The following KLHL1 variants were observed in gnomAD, a reference collection of about 807,000 sequenced individuals.
KLHL1 encodes the protein kelch like family member 1.
In KLHL1, 47 loss-of-function variants were observed where a neutral mutation model predicts 77.7. That is an observed-to-expected ratio of 0.60 (90% CI 0.48 to 0.77). KLHL1 has a LOEUF of 0.77. Among genes scored for constraint, KLHL1 ranks in the 30% least tolerant of loss-of-function variants. The probability of loss-of-function intolerance (pLI) is 0.00; values close to 1 mark genes in which losing one functional copy is unlikely to be tolerated. For missense variants in KLHL1, 925 were observed against 910.8 expected (o/e 1.02, Z -0.20); for synonymous variants, 360 against 325.2 (o/e 1.11, Z -1.15).
At chr13:70,042,033 T>G (rs949988892) in intron 1 of KLHL1, among the ~76,000 whole-genome samples, 2 of 152,186 alleles carry the variant, frequency 1.3e-5, no homozygotes, top group African/African-American at 4.8e-5. Flanking sequence ...TTGTTAGACT[T>G]TCTCATTTCT....
chr13:69,963,622 T>C (rs1280679976), intron 2 of KLHL1, among the ~76,000 whole-genome samples: 1 of 152,176 alleles, frequency 6.6e-6, no homozygotes, highest in African/African-American at 2.4e-5. Context: ...CACAGATATT[T>C]GCTAAATTTG....
intron 6 of KLHL1, among the ~76,000 whole-genome samples, chr13:69,807,716 C>T (rs1209490025): frequency 6.6e-6 from 1 of 152,182 alleles, no homozygotes. Flanking sequence ...ACTTCCAGAG[C>T]TCCAATGAGT....
Position 69,796,866 on chromosome 13 carries a change from A to G in KLHL1, c.1511T>C (p.Ile504Thr), listed in dbSNP as rs758099803. 6 of 1,614,042 alleles carry G rather than the reference A, an allele frequency of 3.7e-6. No homozygotes were observed. The highest frequency in any genetic ancestry group is 5.1e-6 in the Non-Finnish European group (6 of 1,180,026). The change falls in exon 7 of 11, where the codon ATT becomes ACT. Residue 504 changes from isoleucine to threonine, a missense_variant. By Grantham distance (89) the Ile-to-Thr change is moderately conservative. Transcript: ENST00000377844. The stretch of plus-strand genomic sequence containing the variant: ...TCCAATTACAAAGAGTTTGTCATCA[A>G]TAACAGCCACACCAAACTGCAGCCT... The part of the protein sequence containing the change: ...GRRLQFGVAV[I>T]DDKLFVIGGR...
At chr13:70,079,721 G>A (rs1887349576) in intron 1 of KLHL1, among the ~76,000 whole-genome samples, 1 of 152,044 alleles carries the variant, frequency 6.6e-6, no homozygotes, top group South Asian at 2.1e-4. Context: ...AAACAACCCA[G>A]TGAACTAGGT....
At chr13:69,737,906 G>A (rs1422208211) in intron 8 of KLHL1, among the ~76,000 whole-genome samples, 2 of 152,188 alleles carry the variant, frequency 1.3e-5, no homozygotes, top group Non-Finnish European at 2.9e-5. Context: ...GCTTATTTAA[G>A]TGGGTCCTTG....
chr13:70,027,499 T>C (rs1439497197), intron 1 of KLHL1, among the ~76,000 whole-genome samples: 2 of 151,772 alleles, frequency 1.3e-5, no homozygotes, highest in African/African-American at 2.4e-5. Flanking sequence ...TTCTATATTG[T>C]GGTAGTGTGA....
At chr13:69,779,400 C>T in intron 7 of KLHL1, among the ~76,000 whole-genome samples, 1 of 148,122 alleles carries the variant, frequency 6.8e-6, no homozygotes, top group Non-Finnish European at 1.5e-5. Flanking sequence ...GTCCTCCCCT[C>T]TTCCCTCCTT....
chr13:69,821,124 T>C (rs115647251), intron 6 of KLHL1, among the ~76,000 whole-genome samples: 2,957 of 152,214 alleles, frequency 0.019, 96 homozygotes, highest in African/African-American at 0.065. Flanking sequence ...GAATTTTTTT[T>C]CCAATCATTA....
At chr13:69,788,355 T>C (rs1039657911) in intron 7 of KLHL1, among the ~76,000 whole-genome samples, 38 of 152,160 alleles carry the variant, frequency 2.5e-4, no homozygotes, top group South Asian at 1.2e-3. Flanking sequence ...GTTCACGTCC[T>C]TTGTAGGGAC....
At chr13:70,020,570 A>C (rs191852564) in intron 1 of KLHL1, among the ~76,000 whole-genome samples, 38 of 152,172 alleles carry the variant, frequency 2.5e-4, no homozygotes, top group South Asian at 4.1e-4. Context: ...ATCATTGGCC[A>C]ACTGGGCTGT....
chr13:69,775,160 G>C (rs547177992), intron 7 of KLHL1, among the ~76,000 whole-genome samples: 2 of 152,230 alleles, frequency 1.3e-5, no homozygotes, highest in South Asian at 4.1e-4. Flanking sequence ...GCAGGACTAA[G>C]TGCCTGTACA....
intron 4 of KLHL1, among the ~76,000 whole-genome samples, chr13:69,891,946 A>AT (rs1256946295): frequency 3.3e-5 from 5 of 151,942 alleles, no homozygotes; most frequent in South Asian, 2.1e-4. Flanking sequence ...TACTACTTCT[A>AT]TTTTTTTGAT....
Position 70,020,802 on chromosome 13 carries a change from TGC to T in KLHL1, c.498-45002_498-45001del, listed in dbSNP as rs1223202237. 4.3e-4 allele frequency among the ~76,000 whole-genome samples: 66 copies of T among 152,020 alleles called. No individual in the cohort carries two copies. In the East Asian group the frequency reaches 0.011, roughly 26 times the overall value. On this transcript the variant is annotated intron_variant, in intron 1 of 10. Transcript: ENST00000377844. ...TCATATTGTGAGATATATATGTATA[TGC>T]ATACATACACATACACATATATATT...
At chr13:70,059,433 C>T (rs1886824167) in intron 1 of KLHL1, among the ~76,000 whole-genome samples, 1 of 152,094 alleles carries the variant, frequency 6.6e-6, no homozygotes, top group South Asian at 2.1e-4. Flanking sequence ...GCCTCCCAAA[C>T]TGGTGAGATT....
rs1403524018 is a variant in KLHL1 at position 70,107,192 on chromosome 13, A to T, written c.497+11T>A. On this transcript the variant is annotated intron_variant, in intron 1 of 10. Coordinates refer to ENST00000377844, the MANE Select transcript of KLHL1 (RefSeq NM_020866.3). ...AGAGATGCTTGGAAGCCCCGTGGGGACTTACTGTACCTGTGTCCACATCCT... is the reference window on the plus strand; with the variant it reads ...AGAGATGCTTGGAAGCCCCGTGGGGTCTTACTGTACCTGTGTCCACATCCT... 6.3e-7 allele frequency: 1 copy of T among 1,581,390 alleles called. No individual in the cohort carries two copies. Among genetic ancestry groups the T allele is most frequent in the Non-Finnish European group, 8.6e-7 (1 of 1,162,620 alleles).
intron 3 of KLHL1, among the ~76,000 whole-genome samples, chr13:69,950,474 A>T (rs1321090290): frequency 6.6e-6 from 1 of 151,482 alleles, no homozygotes; most frequent in Admixed American, 6.6e-5. Context: ...TCCCTAATCA[A>T]CTCCATAGAT....
intron 1 of KLHL1, among the ~76,000 whole-genome samples, chr13:70,091,045 C>A (rs1887660614): frequency 6.6e-6 from 1 of 151,962 alleles, no homozygotes; most frequent in African/African-American, 2.4e-5. Flanking sequence ...ATTCTCTGAT[C>A]CAAGTTTTAT....
intron 2 of KLHL1, among the ~76,000 whole-genome samples, chr13:69,969,264 G>T (rs1019889445): frequency 2.0e-5 from 3 of 152,086 alleles, no homozygotes; most frequent in African/African-American, 7.2e-5. Context: ...TAATGCTGAG[G>T]ATGGTAACAT....
At chr13:69,826,239 T>G (rs1297748368) in intron 6 of KLHL1, among the ~76,000 whole-genome samples, 4 of 152,158 alleles carry the variant, frequency 2.6e-5, no homozygotes, top group Admixed American at 1.3e-4. Context: ...AGGAATAAGT[T>G]AGAGATCAAT....
Sources: gnomAD v4.1 joint callset for allele counts (sites outside exome capture counted in the v4.1 genomes callset) on GRCh38, gnomAD v4.1.1 for gene constraint, MANE v1.5 for transcripts, NCBI Gene and HGNC (gene_info 2026-07-23, HGNC 2026-07-21) for gene names.